ANO10: variants seen among roughly 807,000 people sequenced by gnomAD.
The protein encoded by ANO10 is anoctamin 10, also known as anoctamin-10.
A neutral mutation model predicts 74.7 loss-of-function variants in ANO10; 77 were observed. That is an observed-to-expected ratio of 1.03 (90% CI 0.86 to 1.25). The LOEUF is 1.25. ANO10 is among the 50% of genes most tolerant of loss of function. The pLI is 0.00. For missense variants in ANO10, 721 were observed against 778.1 expected (o/e 0.93, Z 0.87); for synonymous variants, 279 against 284.9 (o/e 0.98, Z 0.21).
intron 12 of ANO10, among the ~76,000 whole-genome samples, chr3:43,411,543 C>A (rs148747822): frequency 5.3e-4 from 80 of 152,266 alleles, no homozygotes; most frequent in African/African-American, 1.7e-3. Context: ...TTCTTTGGTT[C>A]TTTGTCCTTT....
intron 1 of ANO10, among the ~76,000 whole-genome samples, chr3:43,647,461 T>A (rs1303687906): frequency 6.6e-6 from 1 of 151,928 alleles, no homozygotes; most frequent in East Asian, 1.9e-4. Context: ...CACAGTTTTA[T>A]TCTCTCTAGG....
chr3:43,481,927 CTTTTTTT>C (rs1161910647), intron 11 of ANO10, among the ~76,000 whole-genome samples: 3 of 123,882 alleles, frequency 2.4e-5, no homozygotes, highest in African/African-American at 9.1e-5. Context: ...CTTTTTTTTT[CTTTTTTT>C]TTTTTTTTTT....
intron 7 of ANO10, among the ~76,000 whole-genome samples, chr3:43,573,698 C>T (rs1241257359): frequency 1.3e-5 from 2 of 152,138 alleles, no homozygotes; most frequent in Non-Finnish European, 2.9e-5. Flanking sequence ...AGAGGCACGA[C>T]ATGTCAGCTT....
intron 8 of ANO10, 25 bp downstream of exon 8, chr3:43,565,628 G>C: frequency 6.6e-7 from 1 of 1,521,664 alleles, no homozygotes; most frequent in Non-Finnish European, 8.9e-7. Context: ...TAAAAAATTG[G>C]TATTTTTCTG....
At chr3:43,635,597 C>T (rs1285901328) in intron 1 of ANO10, among the ~76,000 whole-genome samples, 7 of 150,022 alleles carry the variant, frequency 4.7e-5, no homozygotes, top group Admixed American at 2.7e-4. Flanking sequence ...TTCTTTAGTT[C>T]GTATAATCTG....
chr3:43,539,049 T>C (rs6441780), intron 11 of ANO10, among the ~76,000 whole-genome samples: 33,795 of 152,106 alleles, frequency 0.22, 4,292 homozygotes, highest in Middle Eastern at 0.36. Flanking sequence ...ATCATGACCT[T>C]AGAGCCCTCC....
At position 43,641,633 on chromosome 3, in the gene ANO10, A is replaced by G. The variant is rs139735822; in HGVS notation, c.-11-35770T>C. ...ATTTGACTTATAAGGTTGAAGTACC[A>G]TATATTCTATTGAAAATGTCTGAAT... On this transcript the variant is annotated intron_variant, in intron 1 of 3. Transcript: ENST00000413397. Among the ~76,000 whole-genome samples the G allele has an allele frequency of 1.8e-3, 276 of 152,372 alleles. 1 individual carries two copies. Among genetic ancestry groups the G allele is most frequent in the Non-Finnish European group, 3.4e-3 (233 of 68,040 alleles).
At chr3:43,537,610 ACC>A (rs1575373234) in intron 11 of ANO10, among the ~76,000 whole-genome samples, 1 of 102,842 alleles carries the variant, frequency 9.7e-6, no homozygotes, top group Non-Finnish European at 2.0e-5. Context: ...TACTTTATAA[ACC>A]ACACACACAC....
In ANO10 at chr3:43,546,966, T is replaced by C. The variant is rs1575396451; in HGVS notation, c.1797+2754A>G. Among the ~76,000 whole-genome samples, 2 of 151,354 alleles carry C rather than the reference T, an allele frequency of 1.3e-5. 1 individual carries two copies. Among genetic ancestry groups the C allele is most frequent in the South Asian group, 4.2e-4 (2 of 4,790 alleles). On this transcript the variant is annotated intron_variant, in intron 11 of 12. Transcript: ENST00000292246. ...TGAGCATGCCCCAAATGGAATAAAC[T>C]CCCAAAAAGCTACACTAAGGCCCAT...
chr3:43,556,856 A>AG (rs1353098304), intron 9 of ANO10, among the ~76,000 whole-genome samples: 1 of 152,194 alleles, frequency 6.6e-6, no homozygotes, highest in Non-Finnish European at 1.5e-5. Context: ...TGAACATACC[A>AG]GTAAGCCTAG....
chr3:43,512,473 T>C (rs1363789829), intron 11 of ANO10, among the ~76,000 whole-genome samples: 1 of 152,170 alleles, frequency 6.6e-6, no homozygotes, highest in Non-Finnish European at 1.5e-5. Context: ...AATTAAGACC[T>C]GAGGCACAGA....
chr3:43,507,296 G>C (rs2149168612), intron 11 of ANO10, among the ~76,000 whole-genome samples: 1 of 152,242 alleles, frequency 6.6e-6, no homozygotes, highest in South Asian at 2.1e-4. Context: ...AGACAGGGTG[G>C]GTTGTATTCT....
intron 1 of ANO10, among the ~76,000 whole-genome samples, chr3:43,661,826 C>G (rs573828273): frequency 2.6e-5 from 4 of 152,186 alleles, no homozygotes; most frequent in Non-Finnish European, 5.9e-5. Context: ...TACATAAAGG[C>G]AAAGGAATCA....
At chr3:43,370,709 C>T (rs2091578708) in intron 12 of ANO10, among the ~76,000 whole-genome samples, 1 of 152,178 alleles carries the variant, frequency 6.6e-6, no homozygotes, top group Admixed American at 6.5e-5. Context: ...GGAATTTTCC[C>T]CTAACTTGTG....
At chr3:43,485,334 C>T (rs958603268) in intron 11 of ANO10, 6 of 511,522 alleles carry the variant, frequency 1.2e-5, no homozygotes, top group East Asian at 4.0e-5. Flanking sequence ...ACAGGGTGTC[C>T]GCTGTGCTCC....
At chr3:43,577,365 A>G in intron 5 of ANO10, 104 bp from the exon 6 acceptor site, 1 of 1,134,712 alleles carries the variant, frequency 8.8e-7, no homozygotes, top group Non-Finnish European at 1.3e-6. Context: ...GGATCATTCA[A>G]CCCTCACTTC....
chr3:43,589,685 A>G (rs940385306), intron 4 of ANO10, among the ~76,000 whole-genome samples: 5 of 152,204 alleles, frequency 3.3e-5, no homozygotes, highest in African/African-American at 1.2e-4. Flanking sequence ...ATCTACTCTA[A>G]AAGATGCATA....
chr3:43,665,779 A>G (rs1327644941), intron 1 of ANO10, among the ~76,000 whole-genome samples: 1 of 152,218 alleles, frequency 6.6e-6, no homozygotes, highest in African/African-American at 2.4e-5. Context: ...ATGTAATTAT[A>G]TTATTCAACC....
At chr3:43,543,158 C>T (rs111337719) in intron 11 of ANO10, among the ~76,000 whole-genome samples, 2 of 152,116 alleles carry the variant, frequency 1.3e-5, no homozygotes, top group African/African-American at 4.8e-5. Flanking sequence ...TCCTTCCCTC[C>T]CTCTCTCTTA....
Sources: allele counts gnomAD v4.1 joint callset (sites outside exome capture counted in the v4.1 genomes callset), GRCh38; gene constraint gnomAD v4.1.1; transcripts MANE v1.5; gene names NCBI Gene and HGNC (gene_info 2026-07-23, HGNC 2026-07-21).